The following SOX6 variants were observed in gnomAD, a reference collection of about 807,000 sequenced individuals.
SOX6 encodes SRY-box transcription factor 6, also known as transcription factor SOX-6.
SOX6 carries 11 observed loss-of-function variants against 97.8 expected under a neutral mutation model. That is an observed-to-expected ratio of 0.11 (90% CI 0.07 to 0.19). The LOEUF (loss-of-function observed/expected upper bound fraction) is 0.19. Ranked by LOEUF, SOX6 falls within the 10% of genes least tolerant of loss-of-function variation. The pLI, the probability that SOX6 is intolerant of heterozygous loss-of-function variation, is 1.00. For synonymous variants in SOX6, 360 were observed against 371.4 expected (o/e 0.97, Z 0.35); for missense variants, 810 against 1,039.5 (o/e 0.78, Z 3.04).
intron 4 of SOX6, among the ~76,000 whole-genome samples, chr11:16,498,254 A>T (rs1046360862): frequency 2.6e-5 from 4 of 152,292 alleles, no homozygotes; most frequent in African/African-American, 9.6e-5. Flanking sequence ...AGAGAAGCAA[A>T]TGCTGAGAGA....
chr11:16,363,216 A>G (rs1026854719), intron 1 of SOX6, among the ~76,000 whole-genome samples: 1 of 152,146 alleles, frequency 6.6e-6, no homozygotes, highest in Non-Finnish European at 1.5e-5. Context: ...GAAAGGGACC[A>G]CCTTCTAGCT....
At chr11:16,366,567 A>C (rs1282946191) in intron 1 of SOX6, among the ~76,000 whole-genome samples, 8 of 152,158 alleles carry the variant, frequency 5.3e-5, no homozygotes, top group Middle Eastern at 3.2e-3. Flanking sequence ...CCCAGGTCAA[A>C]TTCCATGTTT....
chr11:16,193,768 C>T (rs781169921), intron 4 of SOX6, among the ~76,000 whole-genome samples: 1 of 152,182 alleles, frequency 6.6e-6, no homozygotes, highest in Non-Finnish European at 1.5e-5. Context: ...AACAAAAGCT[C>T]TTAAGAATCA....
intron 1 of SOX6, among the ~76,000 whole-genome samples, chr11:16,436,651 C>T (rs1859381440): frequency 6.6e-6 from 1 of 152,122 alleles, no homozygotes. Context: ...CTCTCAGTTT[C>T]CTCATCTGTA....
chr11:16,650,910 C>T (rs902699201), intron 3 of SOX6, among the ~76,000 whole-genome samples: 2 of 151,758 alleles, frequency 1.3e-5, no homozygotes, highest in Non-Finnish European at 2.9e-5. Context: ...AGAGAAGATC[C>T]AAATTAGCTC....
chr11:16,084,162 T>C lies in SOX6; in HGVS notation c.1101+11834A>G, dbSNP rs540580697. Among the ~76,000 whole-genome samples, 6 of 152,212 alleles carry C rather than the reference T, an allele frequency of 3.9e-5. No homozygotes were observed. The South Asian group carries it at 1.2e-3, about 32-fold the overall frequency. ...AAATTAGGACAAAAGGGTTTCAAAC[T>C]GCCTATACACAATCACCTTGGGCAA... is the stretch of plus-strand genomic sequence containing the variant. On this transcript the variant is annotated intron_variant, in intron 9 of 15. Transcript: ENST00000683767.
At chr11:16,325,123 T>A (rs556834896) in intron 2 of SOX6, among the ~76,000 whole-genome samples, 56 of 152,288 alleles carry the variant, frequency 3.7e-4, no homozygotes, top group Non-Finnish European at 5.3e-4. Flanking sequence ...AAGTTCTCGA[T>A]ATTTTGTAAA....
intron 1 of SOX6, among the ~76,000 whole-genome samples, chr11:16,472,371 G>A (rs1238419611): frequency 6.6e-6 from 1 of 152,180 alleles, no homozygotes. Context: ...CCTTCACTCA[G>A]ATTTCCAGTA....
In SOX6 at chr11:16,318,353, T is replaced by C. The variant is rs1387186905; in HGVS notation, c.445+93A>G. ...CTAGCTAGTGACAATTATGCACTTC[T>C]CTGACCCTTGAAATCCCACTTTTTT... On this transcript the variant is annotated intron_variant, in intron 3 of 15. Coordinates refer to ENST00000683767, the MANE Select transcript of SOX6 (RefSeq NM_001367873.1). 4 of 1,380,924 alleles carry C rather than the reference T, an allele frequency of 2.9e-6. No homozygotes were observed. In the African/African-American group the frequency reaches 4.3e-5, roughly 15 times the overall value. The allele number at this position is 1,380,924 out of a possible 1,614,324, so 85.5% of individuals were successfully genotyped here.
intron 3 of SOX6, among the ~76,000 whole-genome samples, chr11:16,687,223 C>T (rs1032970245): frequency 6.6e-6 from 1 of 152,212 alleles, no homozygotes; most frequent in African/African-American, 2.4e-5. Context: ...ACAGTGCTAG[C>T]ATCTGCTCAG....
chr11:16,225,696 AC>A (rs1259840432), intron 4 of SOX6, among the ~76,000 whole-genome samples: 3 of 152,170 alleles, frequency 2.0e-5, no homozygotes, highest in Non-Finnish European at 2.9e-5. Flanking sequence ...TGCTTAAGTT[AC>A]TTCAAGAATA....
At chr11:16,425,118 A>G (rs908829402) in intron 1 of SOX6, among the ~76,000 whole-genome samples, 9 of 152,182 alleles carry the variant, frequency 5.9e-5, no homozygotes, top group Non-Finnish European at 1.3e-4. Context: ...TGAGCCACTT[A>G]TTCTTTCTGA....
intron 3 of SOX6, among the ~76,000 whole-genome samples, chr11:16,292,806 G>C (rs1854954273): frequency 6.6e-6 from 1 of 152,146 alleles, no homozygotes; most frequent in Non-Finnish European, 1.5e-5. Context: ...TGAAGAACTT[G>C]GTAACTGGTA....
intron 15 of SOX6, among the ~76,000 whole-genome samples, chr11:15,981,049 C>T (rs1258768311): frequency 6.6e-6 from 1 of 152,008 alleles, no homozygotes; most frequent in East Asian, 1.9e-4. Context: ...TACCAATTAA[C>T]TAACAAATCA....
chr11:16,426,086 C>T (rs1463023840), intron 1 of SOX6, among the ~76,000 whole-genome samples: 1 of 151,186 alleles, frequency 6.6e-6, no homozygotes, highest in African/African-American at 2.4e-5. Flanking sequence ...GAAACCCCGT[C>T]TCTACTAAAA....
intron 1 of SOX6, among the ~76,000 whole-genome samples, chr11:16,365,115 TTTA>T (rs1857319989): frequency 6.6e-6 from 1 of 152,084 alleles, no homozygotes; most frequent in African/African-American, 2.4e-5. Flanking sequence ...ATTGTTCCAT[TTTA>T]TTGTTGTTGT....
chr11:16,553,536 G>A (rs1350704739), intron 4 of SOX6, among the ~76,000 whole-genome samples: 1 of 152,074 alleles, frequency 6.6e-6, no homozygotes, highest in Non-Finnish European at 1.5e-5. Context: ...GAACAATGAG[G>A]GCAGCCAGGG....
chr11:16,321,361 A>T (rs1855921301), intron 2 of SOX6, among the ~76,000 whole-genome samples: 1 of 151,966 alleles, frequency 6.6e-6, no homozygotes, highest in Non-Finnish European at 1.5e-5. Context: ...CTCACAATTG[A>T]CTATAATAAA....
chr11:16,295,620 C>G (rs1855055627), intron 3 of SOX6, among the ~76,000 whole-genome samples: 1 of 152,124 alleles, frequency 6.6e-6, no homozygotes, highest in Non-Finnish European at 1.5e-5. Flanking sequence ...CACACTTACT[C>G]TATTTCCTAC....
Sources: allele counts gnomAD v4.1 joint callset (sites outside exome capture counted in the v4.1 genomes callset), GRCh38; gene constraint gnomAD v4.1.1; transcripts MANE v1.5; gene names NCBI Gene and HGNC (gene_info 2026-07-23, HGNC 2026-07-21).